The following ADGRL2 variants were observed in gnomAD, a reference collection of about 807,000 sequenced individuals.
ADGRL2 encodes adhesion G protein-coupled receptor L2, also known as calcium-independent alpha-latrotoxin receptor 2.
Under a neutral mutation model 157.4 loss-of-function variants are expected in ADGRL2, and 44 were observed. That is an observed-to-expected ratio of 0.28 (90% CI 0.22 to 0.36). The LOEUF (loss-of-function observed/expected upper bound fraction) is 0.36, where lower values mean the gene tolerates loss of function less well. Ranked by LOEUF, ADGRL2 falls within the 10% of genes least tolerant of loss-of-function variation. The probability of loss-of-function intolerance (pLI) is 1.00; values close to 1 mark genes in which losing one functional copy is unlikely to be tolerated. For missense variants in ADGRL2, 1,510 were observed against 1,768.9 expected (o/e 0.85, Z 2.63); for synonymous variants, 585 against 624.7 (o/e 0.94, Z 0.95).
At chr1:81,563,177 T>C (rs1047512479) in intron 2 of ADGRL2, among the ~76,000 whole-genome samples, 2 of 152,188 alleles carry the variant, frequency 1.3e-5, no homozygotes, top group Non-Finnish European at 2.9e-5. Context: ...GTGTCACCCA[T>C]AGGATTTGAG....
chr1:81,545,465 G>A (rs771115705), intron 2 of ADGRL2, among the ~76,000 whole-genome samples: 2 of 151,936 alleles, frequency 1.3e-5, no homozygotes, highest in Non-Finnish European at 2.9e-5. Flanking sequence ...ATTTTTAGTA[G>A]AGACAGGGTT....
At position 81,593,536 on chromosome 1, in the gene ADGRL2, T is replaced by C. The variant is rs181384109; in HGVS notation, c.-143+12556T>C. Reference sequence around the variant, plus strand: ...AGTGTTGGCTTGATTATTGCTGATGTTCCATTATTTGTGATCACTCACTTA... The same window carrying C: ...AGTGTTGGCTTGATTATTGCTGATGCTCCATTATTTGTGATCACTCACTTA... On this transcript the variant is annotated intron_variant, in intron 3 of 24. Transcript: ENST00000370721. Among the ~76,000 whole-genome samples the C allele has an allele frequency of 2.5e-4, 38 of 152,328 alleles. 1 individual carries two copies. The East Asian group carries it at 6.6e-3, about 26-fold the overall frequency.
intron 2 of ADGRL2, among the ~76,000 whole-genome samples, chr1:81,542,383 G>A (rs79181864): frequency 0.02 from 2,982 of 152,286 alleles, 96 homozygotes; most frequent in African/African-American, 0.068. Context: ...ATTTTTAACT[G>A]AGTAATAACA....
intron 3 of ADGRL2, among the ~76,000 whole-genome samples, chr1:81,595,986 C>T (rs879425232): frequency 6.6e-6 from 1 of 152,126 alleles, no homozygotes; most frequent in Non-Finnish European, 1.5e-5. Context: ...GGTGAGGGAG[C>T]TCTCTGCGGC....
intron 2 of ADGRL2, among the ~76,000 whole-genome samples, chr1:81,548,433 C>T (rs17455052): frequency 0.024 from 3,699 of 151,302 alleles, 76 homozygotes; most frequent in Non-Finnish European, 0.035. Context: ...TAATTGTGAG[C>T]GCTTCAGTAT....
chr1:81,969,310 A>G lies in ADGRL2; in HGVS notation c.2656A>G (p.Ile886Val). 1 of 1,614,028 alleles carries G rather than the reference A, an allele frequency of 6.2e-7. No homozygotes were observed. Residue 886 changes from isoleucine (I) to valine (V), a missense_variant, in exon 15 of 24, where the codon ATT (isoleucine) becomes GTT (valine). By Grantham distance (29) the Ile-to-Val change is conservative. Transcript: ENST00000686636. ...FRGLQSDRNTIHKNLCINLFI... is the reference protein window; with the variant it reads ...FRGLQSDRNTVHKNLCINLFI... ...TGGCCTACAGAGTGACCGAAATACT[A>G]TTCACAAGAACCTTTGTATCAACCT...
At chr1:81,507,344 C>A (rs917324701) in intron 2 of ADGRL2, among the ~76,000 whole-genome samples, 6 of 152,078 alleles carry the variant, frequency 3.9e-5, no homozygotes, top group Non-Finnish European at 8.8e-5. Context: ...TTAAGCAGTT[C>A]TAATAAGAGA....
intron 2 of ADGRL2, among the ~76,000 whole-genome samples, chr1:81,519,865 A>G (rs72715570): frequency 3.3e-5 from 5 of 152,316 alleles, no homozygotes; most frequent in Non-Finnish European, 7.3e-5. Context: ...TAAATCAAGA[A>G]TAGTCCAAGC....
chr1:81,767,141 A>G lies in ADGRL2; in HGVS notation c.-101+5289A>G. ...TATGACTCTTCTACTCAACATTAAG[A>G]TCTTGAGTTTCAACACTTTGAAGCA... On this transcript the variant is annotated intron_variant, in intron 2 of 20. Transcript: ENST00000359929. 2.6e-5 allele frequency among the ~76,000 whole-genome samples: 4 copies of G among 152,254 alleles called. 1 individual carries two copies. In the South Asian group the frequency reaches 8.3e-4, roughly 32 times the overall value.
At chr1:81,570,534 G>A (rs372689866) in intron 2 of ADGRL2, among the ~76,000 whole-genome samples, 54 of 152,144 alleles carry the variant, frequency 3.5e-4, no homozygotes, top group East Asian at 1.6e-3. Context: ...GGCTACAGGC[G>A]TGTGCCACCA....
At chr1:81,694,164 A>T (rs2083397585) in intron 3 of ADGRL2, among the ~76,000 whole-genome samples, 1 of 152,192 alleles carries the variant, frequency 6.6e-6, no homozygotes, top group Admixed American at 6.5e-5. Context: ...CTCCTTCCTA[A>T]GGGTATAGAT....
chr1:81,805,185 CTT>C (rs1164819690), intron 1 of ADGRL2, among the ~76,000 whole-genome samples: 1 of 151,908 alleles, frequency 6.6e-6, no homozygotes, highest in African/African-American at 2.4e-5. Flanking sequence ...GAGAACATAT[CTT>C]TGAATTTCTT....
chr1:81,407,419 A>C (rs1336515288), intron 1 of ADGRL2, among the ~76,000 whole-genome samples: 2 of 152,232 alleles, frequency 1.3e-5, no homozygotes, highest in Non-Finnish European at 2.9e-5. Flanking sequence ...TCCATCCTGA[A>C]AGAGGCTCTG....
upstream of ADGRL2, among the ~76,000 whole-genome samples, chr1:81,798,816 A>G (rs999757526): frequency 1.3e-5 from 2 of 152,168 alleles, no homozygotes; most frequent in African/African-American, 4.8e-5. Flanking sequence ...AAAAATGTCT[A>G]TTGATTACTT....
chr1:81,605,041 T>G (rs1197187208), intron 3 of ADGRL2, among the ~76,000 whole-genome samples: 1 of 152,172 alleles, frequency 6.6e-6, no homozygotes, highest in African/African-American at 2.4e-5. Context: ...CTCAGGTCTT[T>G]TCTCTCAAAT....
intron 19 of ADGRL2, 56 bp downstream of exon 19, chr1:81,982,032 A>G: frequency 7.6e-7 from 1 of 1,308,864 alleles, no homozygotes; most frequent in Non-Finnish European, 1.1e-6. Context: ...ATTTGAATAT[A>G]ATAGATATAA....
chr1:81,526,638 T>C (rs936166571), intron 2 of ADGRL2, among the ~76,000 whole-genome samples: 10 of 152,222 alleles, frequency 6.6e-5, no homozygotes, highest in African/African-American at 2.4e-4. Context: ...CCTATTGAGA[T>C]TTTTCTCTGG....
intron 1 of ADGRL2, among the ~76,000 whole-genome samples, chr1:81,309,921 A>G (rs961948461): frequency 2.0e-5 from 3 of 152,146 alleles, no homozygotes; most frequent in African/African-American, 4.8e-5. Context: ...TACCTTTCCT[A>G]GCAACTCCAT....
intron 1 of ADGRL2, among the ~76,000 whole-genome samples, chr1:81,725,539 AAAAT>A (rs369835378): frequency 0.014 from 2,090 of 151,538 alleles, 48 homozygotes; most frequent in African/African-American, 0.048. Flanking sequence ...ACTCTGTCTC[AAAAT>A]AAATAAATAA....
Sources: allele counts gnomAD v4.1 joint callset (sites outside exome capture counted in the v4.1 genomes callset), GRCh38; gene constraint gnomAD v4.1.1; transcripts MANE v1.5; gene names NCBI Gene and HGNC (gene_info 2026-07-23, HGNC 2026-07-21).